PARD3B: variants seen among roughly 807,000 people sequenced by gnomAD.
The protein encoded by PARD3B is partitioning defective 3 homolog B.
PARD3B carries 103 observed loss-of-function variants against 130.2 expected under a neutral mutation model. The ratio of observed to expected loss-of-function variants is 0.79; its 90% CI spans 0.67 to 0.93. The LOEUF is 0.93. Among genes scored for constraint, PARD3B ranks in the 40% least tolerant of loss-of-function variants. The pLI is 0.00. For synonymous variants in PARD3B, 583 were observed against 553.2 expected (o/e 1.05, Z -0.76); for missense variants, 1,609 against 1,499.2 (o/e 1.07, Z -1.21).
chr2:204,997,721 G>C (rs536163860), intron 3 of PARD3B, among the ~76,000 whole-genome samples: 1 of 151,600 alleles, frequency 6.6e-6, no homozygotes, highest in South Asian at 2.1e-4. Context: ...TGTCCTTCTT[G>C]CATTACTACA....
intron 15 of PARD3B, among the ~76,000 whole-genome samples, chr2:205,237,858 G>A (rs924242569): frequency 6.6e-6 from 1 of 152,068 alleles, no homozygotes; most frequent in Non-Finnish European, 1.5e-5. Flanking sequence ...GTTCTGTTAC[G>A]TTTTGGTCTT....
chr2:204,697,086 G>A (rs902356626), intron 2 of PARD3B, among the ~76,000 whole-genome samples: 11 of 152,082 alleles, frequency 7.2e-5, no homozygotes, highest in Non-Finnish European at 1.6e-4. Context: ...GCATATACTT[G>A]TGTAAAAGTT....
chr2:205,310,185 C>T (rs932148022), intron 18 of PARD3B, among the ~76,000 whole-genome samples: 9 of 149,936 alleles, frequency 6.0e-5, no homozygotes, highest in African/African-American at 1.7e-4. Flanking sequence ...CCTGGGTTCA[C>T]GCCATTCTCC....
At chr2:205,582,180 C>T (rs774476483) in intron 22 of PARD3B, among the ~76,000 whole-genome samples, 4 of 152,128 alleles carry the variant, frequency 2.6e-5, no homozygotes, top group Non-Finnish European at 4.4e-5. Flanking sequence ...AGTGAAGTAC[C>T]GTCCATGTGA....
rs1223792286 is a variant in PARD3B, at chr2:205,091,364, A to G, written c.505-13062A>G. ...GGGAGGTTTGTATGTGGAGTGATGTATTTTCAAAGAGGCTCCAGAAAAGAT... is the reference window on the plus strand; with the variant it reads ...GGGAGGTTTGTATGTGGAGTGATGTGTTTTCAAAGAGGCTCCAGAAAAGAT... On this transcript the variant is annotated intron_variant, in intron 4 of 22. Coordinates refer to ENST00000406610, the MANE Select transcript of PARD3B (RefSeq NM_001302769.2). This position sits in a 1 kb window ranked among gnomAD's most constrained non-coding sequence, Gnocchi z 4.2. 6.6e-6 allele frequency among the ~76,000 whole-genome samples: 1 copy of G among 152,050 alleles called. No homozygotes were observed. The highest frequency in any genetic ancestry group is 1.9e-4 in the East Asian group (1 of 5,168).
At chr2:204,868,914 A>G (rs2045526163) in intron 2 of PARD3B, among the ~76,000 whole-genome samples, 1 of 152,156 alleles carries the variant, frequency 6.6e-6, no homozygotes, top group Admixed American at 6.6e-5. Flanking sequence ...GACAATTTGT[A>G]CTTAAAAGCC....
At chr2:205,109,283 A>G (rs1042353447) in intron 5 of PARD3B, among the ~76,000 whole-genome samples, 1 of 152,222 alleles carries the variant, frequency 6.6e-6, no homozygotes, top group Non-Finnish European at 1.5e-5. Flanking sequence ...TCCGCCTCTC[A>G]TACTATTGCA....
At chr2:204,839,876 GC>G (rs2044198919) in intron 2 of PARD3B, among the ~76,000 whole-genome samples, 1 of 152,118 alleles carries the variant, frequency 6.6e-6, no homozygotes, top group African/African-American at 2.4e-5. Context: ...TGTCTGTAAG[GC>G]TAGGTTTCTG....
chr2:204,692,204 A>G (rs182847420), intron 2 of PARD3B, among the ~76,000 whole-genome samples: 12 of 152,204 alleles, frequency 7.9e-5, no homozygotes, highest in African/African-American at 2.9e-4. Flanking sequence ...AATTTTTGCT[A>G]TGTTTTTTGT....
intron 3 of PARD3B, among the ~76,000 whole-genome samples, chr2:205,013,909 C>T (rs561446188): frequency 1.3e-5 from 2 of 152,276 alleles, no homozygotes; most frequent in South Asian, 4.2e-4. Flanking sequence ...CATTTGAGAA[C>T]CAAGGTGTCA....
rs936946366 is a variant in PARD3B, at chr2:205,458,003, C to A, written c.3044+17331C>A. ...ATCCAAAATCCAGAACACTTCTGGT[C>A]CCAGACTTTTCAGATAAGGGATACT... On this transcript the variant is annotated intron_variant, in intron 20 of 22. Transcript: ENST00000406610. This position sits in a 1 kb window ranked among gnomAD's most constrained non-coding sequence, Gnocchi z 4.8. 2.6e-5 allele frequency among the ~76,000 whole-genome samples: 4 copies of A among 152,092 alleles called. No homozygotes were observed. The highest frequency in any genetic ancestry group is 9.7e-5 in the African/African-American group (4 of 41,436).
intron 3 of PARD3B, among the ~76,000 whole-genome samples, chr2:205,045,761 C>G (rs1698731743): frequency 6.6e-6 from 1 of 151,660 alleles, no homozygotes; most frequent in Non-Finnish European, 1.5e-5. Context: ...CACTCTCTCT[C>G]TCCATATATA....
chr2:204,866,863 G>A (rs1352768308), intron 2 of PARD3B, among the ~76,000 whole-genome samples: 5 of 152,048 alleles, frequency 3.3e-5, no homozygotes, highest in African/African-American at 9.7e-5. Flanking sequence ...GAGGTCAGGA[G>A]TTTGAGACCA....
intron 2 of PARD3B, among the ~76,000 whole-genome samples, chr2:204,717,899 G>A (rs927881992): frequency 1.3e-5 from 2 of 152,188 alleles, no homozygotes; most frequent in Non-Finnish European, 1.5e-5. Flanking sequence ...CAGTTTGTAT[G>A]CTCCATGGCC....
Position 205,222,016 on chromosome 2 carries a change from T to C in PARD3B, c.2141-23762T>C, listed in dbSNP as rs559390412. 3.6e-4 allele frequency among the ~76,000 whole-genome samples: 54 copies of C among 152,062 alleles called. No individual in the cohort carries two copies. The South Asian group carries it at 0.011, about 30-fold the overall frequency. Reference sequence around the variant, plus strand: ...TAACTAATGGGTACTAGGCTTAATATTTGGGTGATGAAATAATCTGTTCAA... The same window carrying C: ...TAACTAATGGGTACTAGGCTTAATACTTGGGTGATGAAATAATCTGTTCAA... On this transcript the variant is annotated intron_variant, in intron 15 of 22. Transcript: ENST00000406610.
At chr2:205,136,799 GA>G (rs1232787261) in intron 10 of PARD3B, among the ~76,000 whole-genome samples, 3 of 152,124 alleles carry the variant, frequency 2.0e-5, no homozygotes, top group Non-Finnish European at 2.9e-5. Flanking sequence ...GATAATCAAA[GA>G]AAGGTTGATG....
intron 2 of PARD3B, among the ~76,000 whole-genome samples, chr2:204,739,135 A>C (rs946229031): frequency 1.3e-5 from 2 of 152,080 alleles, no homozygotes; most frequent in Non-Finnish European, 2.9e-5. Flanking sequence ...TCACCTGCCT[A>C]TTTATTGAAT....
At chr2:205,551,563 A>G (rs2052648294) in intron 21 of PARD3B, among the ~76,000 whole-genome samples, 1 of 151,968 alleles carries the variant, frequency 6.6e-6, no homozygotes, top group African/African-American at 2.4e-5. Flanking sequence ...CTCCTGTTCC[A>G]CCTATTGATG....
intron 21 of PARD3B, among the ~76,000 whole-genome samples, chr2:205,542,382 G>GTGTA (rs758126979): frequency 1.5e-5 from 2 of 135,690 alleles, no homozygotes; most frequent in Non-Finnish European, 3.3e-5. Context: ...GTGTGTGTGT[G>GTGTA]TATGTATGTA....
Sources: allele counts gnomAD v4.1 joint callset (sites outside exome capture counted in the v4.1 genomes callset), GRCh38; gene constraint gnomAD v4.1.1; non-coding constraint Gnocchi (gnomAD v3.1); transcripts MANE v1.5; gene names NCBI Gene and HGNC (gene_info 2026-07-23, HGNC 2026-07-21).